The following MEGF11 variants were observed in gnomAD, a reference collection of about 807,000 sequenced individuals.
The protein encoded by MEGF11 is multiple EGF like domains 11, also known as multiple epidermal growth factor-like domains protein 11.
A neutral mutation model predicts 146.6 loss-of-function variants in MEGF11; 126 were observed. The observed-to-expected ratio is 0.86, with a 90% CI of 0.74 to 1.00. The LOEUF is 1.00. Among genes scored for constraint, MEGF11 ranks in the 50% least tolerant of loss-of-function variants. The pLI, the probability that MEGF11 is intolerant of heterozygous loss-of-function variation, is 0.00. For missense variants in MEGF11, 1,509 were observed against 1,521.2 expected (o/e 0.99, Z 0.13); for synonymous variants, 532 against 583.4 (o/e 0.91, Z 1.27).
intron 5 of MEGF11, among the ~76,000 whole-genome samples, chr15:66,052,508 G>A (rs1447920829): frequency 6.6e-6 from 1 of 152,216 alleles, no homozygotes; most frequent in African/African-American, 2.4e-5. Context: ...GGGCTGCGCT[G>A]TGACTCCATT....
chr15:65,932,992 C>T (rs934376691), intron 10 of MEGF11, among the ~76,000 whole-genome samples: 5 of 152,188 alleles, frequency 3.3e-5, no homozygotes, highest in Admixed American at 2.0e-4. Context: ...CATAAAGGAG[C>T]TCCCTTCTCA....
At chr15:65,965,152 G>A in intron 8 of MEGF11, 32 bp from the exon 9 acceptor site, 1 of 1,519,872 alleles carries the variant, frequency 6.6e-7, no homozygotes, top group East Asian at 2.4e-5. Context: ...CTGAGGCTGT[G>A]GGCCAGGATC....
intron 10 of MEGF11, among the ~76,000 whole-genome samples, chr15:65,934,059 C>G (rs2079676914): frequency 6.6e-6 from 1 of 152,172 alleles, no homozygotes; most frequent in African/African-American, 2.4e-5. Flanking sequence ...CTGACACAGG[C>G]TGGAACTTTT....
rs757347369 is a variant in MEGF11 at position 66,127,486 on chromosome 15, G to A, written c.98+820C>T. On this transcript the variant is annotated intron_variant, in intron 2 of 25. Coordinates refer to ENST00000395614, the MANE Select transcript of MEGF11 (RefSeq NM_001385028.1). The stretch of plus-strand genomic sequence containing the variant: ...TCATGGGCATGAAGCACGGACCCCC[G>A]CTCCGAGTCCCCCGCCTTTCTTCTT... Among the ~76,000 whole-genome samples the A allele has an allele frequency of 7.2e-5, 11 of 152,226 alleles. No homozygotes were observed. The Middle Eastern group carries it at 0.017, about 235-fold the overall frequency.
intron 10 of MEGF11, among the ~76,000 whole-genome samples, chr15:65,938,367 T>A (rs2079861547): frequency 6.6e-6 from 1 of 152,230 alleles, no homozygotes; most frequent in Non-Finnish European, 1.5e-5. Flanking sequence ...GAATTCTGGG[T>A]TGGCCTGTGC....
chr15:66,234,592 G>A (rs1597167157), intron 1 of MEGF11, among the ~76,000 whole-genome samples: 1 of 152,282 alleles, frequency 6.6e-6, no homozygotes, highest in African/African-American at 2.4e-5. Context: ...CCAGGCCCAG[G>A]CCCACCACCC....
chr15:65,934,467 T>C (rs1489959900), intron 10 of MEGF11, among the ~76,000 whole-genome samples: 1 of 152,164 alleles, frequency 6.6e-6, no homozygotes, highest in Non-Finnish European at 1.5e-5. Flanking sequence ...GTCAGGCTGG[T>C]CTCGAACTCC....
intron 11 of MEGF11, 33 bp from the exon 12 acceptor site, chr15:65,929,916 A>T: frequency 6.4e-7 from 1 of 1,572,470 alleles, no homozygotes; most frequent in African/African-American, 1.3e-5. Context: ...TCACTTCTCC[A>T]TCCAGGCCCA....
chr15:66,178,842 A>T (rs555264531), intron 1 of MEGF11, among the ~76,000 whole-genome samples: 1 of 152,318 alleles, frequency 6.6e-6, no homozygotes, highest in East Asian at 1.9e-4. Flanking sequence ...AGTGATTCGG[A>T]AAAAAGGTCA....
chr15:65,994,302 CA>C (rs1184215351), intron 5 of MEGF11, among the ~76,000 whole-genome samples: 1 of 152,190 alleles, frequency 6.6e-6, no homozygotes, highest in Non-Finnish European at 1.5e-5. Flanking sequence ...TGTGGGGAGG[CA>C]GTCAGACTGG....
chr15:66,020,249 G>T lies in MEGF11; in HGVS notation c.395-37761C>A, dbSNP rs547367510. 5.3e-5 allele frequency among the ~76,000 whole-genome samples: 8 copies of T among 152,380 alleles called. No individual in the cohort carries two copies. In the South Asian group the frequency reaches 1.4e-3, roughly 28 times the overall value. On this transcript the variant is annotated intron_variant, in intron 5 of 25. Transcript: ENST00000395614. ...CCTGGGACTCCAACAGGAACATTGG[G>T]TAAGTAGGTGTTCTCTTCCATTTGG... is the stretch of plus-strand genomic sequence containing the variant.
chr15:65,912,607 C>T (rs548627890), intron 20 of MEGF11: 1 of 153,882 alleles, frequency 6.5e-6, no homozygotes, highest in South Asian at 2.1e-4. Flanking sequence ...CTGCTCTTCC[C>T]TCCTAAGGAT....
intron 1 of MEGF11, among the ~76,000 whole-genome samples, chr15:66,156,234 A>G (rs536691831): frequency 1.3e-5 from 2 of 152,234 alleles, no homozygotes; most frequent in African/African-American, 4.8e-5. Context: ...CATGGCCCAG[A>G]CACCTGCACT....
chr15:66,154,000 G>A (rs2089659844), intron 1 of MEGF11, among the ~76,000 whole-genome samples: 1 of 152,286 alleles, frequency 6.6e-6, no homozygotes, highest in East Asian at 1.9e-4. Flanking sequence ...CTGCAGGGGG[G>A]CACTGCACAG....
chr15:65,957,436 G>T, intron 10 of MEGF11, 111 bp downstream of exon 10: 1 of 1,038,988 alleles, frequency 9.6e-7, no homozygotes, highest in Non-Finnish European at 1.4e-6. Flanking sequence ...TCTCTGAGGC[G>T]GACACAAGGA....
chr15:65,991,953 C>G (rs1044351180), intron 5 of MEGF11, among the ~76,000 whole-genome samples: 2 of 152,194 alleles, frequency 1.3e-5, no homozygotes, highest in Non-Finnish European at 2.9e-5. Context: ...GAGAAACAGA[C>G]AAGCAAATGG....
At chr15:66,215,856 G>T (rs902810269) in intron 1 of MEGF11, among the ~76,000 whole-genome samples, 3 of 152,170 alleles carry the variant, frequency 2.0e-5, no homozygotes, top group African/African-American at 7.2e-5. Flanking sequence ...GAAATTCATG[G>T]CAAATTGCTC....
chr15:66,189,987 A>G (rs1240928228), intron 1 of MEGF11, among the ~76,000 whole-genome samples: 1 of 152,162 alleles, frequency 6.6e-6, no homozygotes, highest in Non-Finnish European at 1.5e-5. Flanking sequence ...TCTCCAAAAA[A>G]TAAATTGTAT....
chr15:66,102,474 C>T (rs1445149222), intron 4 of MEGF11, among the ~76,000 whole-genome samples: 1 of 149,832 alleles, frequency 6.7e-6, no homozygotes, highest in Non-Finnish European at 1.5e-5. Flanking sequence ...CACTCTGTCG[C>T]CCAGGCTGGA....
Sources: gnomAD v4.1 joint callset for allele counts (sites outside exome capture counted in the v4.1 genomes callset) on GRCh38, gnomAD v4.1.1 for gene constraint, MANE v1.5 for transcripts, NCBI Gene and HGNC (gene_info 2026-07-23, HGNC 2026-07-21) for gene names.